AGAP1: variants seen among roughly 807,000 people sequenced by gnomAD.
AGAP1 encodes the protein arf-GAP with GTPase, ANK repeat and PH domain-containing protein 1.
Under a neutral mutation model 105.3 loss-of-function variants are expected in AGAP1, and 29 were observed. That is an observed-to-expected ratio of 0.28 (90% CI 0.21 to 0.38). The LOEUF (loss-of-function observed/expected upper bound fraction) is 0.38. AGAP1 is among the 10% of genes least tolerant of loss of function. The probability of loss-of-function intolerance (pLI) is 1.00; values close to 1 mark genes in which losing one functional copy is unlikely to be tolerated. For missense variants in AGAP1, 998 were observed against 1,165.1 expected (o/e 0.86, Z 2.09); for synonymous variants, 509 against 485.9 (o/e 1.05, Z -0.63).
chr2:235,758,769 T>TA, intron 6 of AGAP1, among the ~76,000 whole-genome samples: 1 of 152,136 alleles, frequency 6.6e-6, no homozygotes, highest in Non-Finnish European at 1.5e-5. Context: ...CTTCAAGAGT[T>TA]AAATGATCAA....
At chr2:235,975,177 A>C (rs2054805851) in intron 13 of AGAP1, among the ~76,000 whole-genome samples, 1 of 152,248 alleles carries the variant, frequency 6.6e-6, no homozygotes, top group African/African-American at 2.4e-5. Context: ...TGATTTAATT[A>C]GTCACAAAAT....
chr2:235,955,158 A>G (rs1297463141), intron 12 of AGAP1, among the ~76,000 whole-genome samples: 1 of 152,208 alleles, frequency 6.6e-6, no homozygotes, highest in Non-Finnish European at 1.5e-5. Flanking sequence ...TCACGTGGCC[A>G]GGTGGCTAGG....
At position 235,724,731 on chromosome 2, in the gene AGAP1, G is replaced by A. The variant is rs939826224; in HGVS notation, c.310+7087G>A. ...AATTATAACTACCAGGTAAGGACCAGTGAGAAACAGTGGGTGAGATTAGGC... is the reference window on the plus strand; with the variant it reads ...AATTATAACTACCAGGTAAGGACCAATGAGAAACAGTGGGTGAGATTAGGC... On this transcript the variant is annotated intron_variant, in intron 3 of 17. Transcript: ENST00000304032. This position sits in a 1 kb window ranked among gnomAD's most constrained non-coding sequence, Gnocchi z 4.9. Among the ~76,000 whole-genome samples the A allele has an allele frequency of 6.6e-6, 1 of 152,230 alleles. No homozygotes were observed. The highest frequency in any genetic ancestry group is 1.5e-5 in the Non-Finnish European group (1 of 68,042).
chr2:235,910,890 G>C (rs1323149332), intron 11 of AGAP1, among the ~76,000 whole-genome samples: 1 of 76,472 alleles, frequency 1.3e-5, no homozygotes, highest in Non-Finnish European at 2.7e-5. Flanking sequence ...ACTCCAGCCT[G>C]CGCGACAGAG....
chr2:235,495,943 G>A (rs1196756201), intron 1 of AGAP1, among the ~76,000 whole-genome samples: 1 of 152,230 alleles, frequency 6.6e-6, no homozygotes, highest in African/African-American at 2.4e-5. Context: ...GGAACATTGA[G>A]AATGGCCCAA....
chr2:235,514,371 TGGAG>T (rs1942291027), intron 1 of AGAP1, among the ~76,000 whole-genome samples: 1 of 152,240 alleles, frequency 6.6e-6, no homozygotes, highest in Non-Finnish European at 1.5e-5. Context: ...GAAGGAGTCA[TGGAG>T]GAAGTAAAGA....
rs1332240476 is a variant in AGAP1 at position 235,811,821 on chromosome 2, C to G, written c.1050+4490C>G. Among the ~76,000 whole-genome samples the G allele has an allele frequency of 2.6e-5, 4 of 152,178 alleles. No individual in the cohort carries two copies. In the East Asian group the frequency reaches 7.7e-4, roughly 29 times the overall value. On this transcript the variant is annotated intron_variant, in intron 9 of 17. Transcript: ENST00000304032. ...GTGCTAGCAGGACTCACAGAGAGCT[C>G]TTAGAGATTCATGGGAAAAACATTG...
chr2:235,511,674 T>C (rs889215316), intron 1 of AGAP1, among the ~76,000 whole-genome samples: 5 of 152,194 alleles, frequency 3.3e-5, no homozygotes, highest in African/African-American at 1.2e-4. Context: ...ATAAATCTTT[T>C]TGACAATTCC....
chr2:235,928,430 C>T (rs1311415274), intron 11 of AGAP1, among the ~76,000 whole-genome samples: 1 of 152,170 alleles, frequency 6.6e-6, no homozygotes, highest in Non-Finnish European at 1.5e-5. Flanking sequence ...AGGGGGTCAC[C>T]CAGCAAGACA....
chr2:235,525,548 A>G (rs1262724029), intron 1 of AGAP1, among the ~76,000 whole-genome samples: 1 of 152,116 alleles, frequency 6.6e-6, no homozygotes, highest in Non-Finnish European at 1.5e-5. Flanking sequence ...TATAAAGTAG[A>G]GGACTGATTT....
chr2:235,572,976 T>C (rs4997473), intron 1 of AGAP1, among the ~76,000 whole-genome samples: 1,646 of 103,866 alleles, frequency 0.016, 287 homozygotes, highest in East Asian at 0.12. Flanking sequence ...CTCCATCTTT[T>C]TTCTTCTTCT....
intron 13 of AGAP1, among the ~76,000 whole-genome samples, chr2:236,013,381 AC>A (rs1254224048): frequency 6.6e-6 from 1 of 152,152 alleles, no homozygotes; most frequent in Non-Finnish European, 1.5e-5. Flanking sequence ...CGAACCTACA[AC>A]CACAGCCTCA....
chr2:235,541,479 C>G (rs2149095638), intron 1 of AGAP1, among the ~76,000 whole-genome samples: 1 of 150,706 alleles, frequency 6.6e-6, no homozygotes, highest in South Asian at 2.1e-4. Context: ...GCTCCACCTC[C>G]CGGGTTCACA....
At chr2:235,767,559 C>A (rs1955068210) in intron 6 of AGAP1, among the ~76,000 whole-genome samples, 1 of 152,152 alleles carries the variant, frequency 6.6e-6, no homozygotes, top group Non-Finnish European at 1.5e-5. Flanking sequence ...CTCCTGGGAG[C>A]ATGACGGGAG....
At chr2:235,498,208 G>A (rs1393222843) in intron 1 of AGAP1, among the ~76,000 whole-genome samples, 3 of 152,224 alleles carry the variant, frequency 2.0e-5, no homozygotes, top group African/African-American at 7.2e-5. Context: ...ATGGGATACA[G>A]GTGATTTTGC....
At chr2:235,647,946 G>C (rs1029094993) in intron 1 of AGAP1, among the ~76,000 whole-genome samples, 1 of 152,040 alleles carries the variant, frequency 6.6e-6, no homozygotes, top group Non-Finnish European at 1.5e-5. Context: ...CCATTTCAGA[G>C]AAATTTGAAC....
intron 10 of AGAP1, among the ~76,000 whole-genome samples, chr2:235,885,444 C>G (rs1401174930): frequency 6.6e-6 from 1 of 152,216 alleles, no homozygotes; most frequent in Non-Finnish European, 1.5e-5. Flanking sequence ...TCTCTGTCCC[C>G]TTGTCCAATT....
rs377422358 is a variant in AGAP1, at chr2:235,953,845, C to T, written c.1484-14617C>T. Among the ~76,000 whole-genome samples, 2 of 151,924 alleles carry T rather than the reference C, an allele frequency of 1.3e-5. No individual in the cohort carries two copies. Among genetic ancestry groups the T allele is most frequent in the East Asian group, 3.9e-4 (2 of 5,176 alleles). ...GGCTGAGGCAGGAGGATCGCTGGAGCCCCAGGAGTTCAAGGCTGCAGTGAG... is the reference window on the plus strand; with the variant it reads ...GGCTGAGGCAGGAGGATCGCTGGAGTCCCAGGAGTTCAAGGCTGCAGTGAG... On this transcript the variant is annotated intron_variant, in intron 12 of 17. Transcript: ENST00000304032. The surrounding 1 kb of genome is among the most constrained non-coding windows in gnomAD (Gnocchi z 5.2).
chr2:236,004,537 C>T (rs960133775), intron 13 of AGAP1, among the ~76,000 whole-genome samples: 19 of 152,120 alleles, frequency 1.2e-4, no homozygotes, highest in African/African-American at 4.3e-4. Context: ...GCTGGTCTAC[C>T]CCAAAGAGCA....
Sources: allele counts gnomAD v4.1 joint callset (sites outside exome capture counted in the v4.1 genomes callset), GRCh38; gene constraint gnomAD v4.1.1; non-coding constraint Gnocchi (gnomAD v3.1); transcripts MANE v1.5; gene names NCBI Gene and HGNC (gene_info 2026-07-23, HGNC 2026-07-21).